Variants in MPDZ observed in about 807,000 individuals in gnomAD.
MPDZ encodes multiple PDZ domain crumbs cell polarity complex component.
A neutral mutation model predicts 239.1 loss-of-function variants in MPDZ; 234 were observed. The observed-to-expected ratio is 0.98, with a 90% CI of 0.88 to 1.09. MPDZ has a LOEUF of 1.09. MPDZ is among the 50% of genes least tolerant of loss of function. The pLI, the probability that MPDZ is intolerant of heterozygous loss-of-function variation, is 0.00. For synonymous variants in MPDZ, 1,048 were observed against 881.3 expected (o/e 1.19, Z -3.35); for missense variants, 3,175 against 2,510.0 (o/e 1.26, Z -5.66).
At chr9:13,194,246 T>C (rs1471774521) in intron 13 of MPDZ, among the ~76,000 whole-genome samples, 1 of 152,180 alleles carries the variant, frequency 6.6e-6, no homozygotes, top group Non-Finnish European at 1.5e-5. Flanking sequence ...ATTTATTGTA[T>C]ACTTCCGCAC....
rs1945187083 is a variant in MPDZ, at chr9:13,126,764, C to T, written c.4473G>A (p.Gly1491=). Residue 1491 remains glycine (G), a synonymous_variant, in exon 33 of 47, where the codon GGG becomes GGA. Transcript: ENST00000319217. ...VQHLELPKDQ[G]GLGIAISEED... ...CTTCGCTGATAGCAATACCCAAACC[C>T]CCCTGATCCTAGAAAAGTAAAAACA... 1.2e-6 allele frequency: 2 copies of T among 1,613,458 alleles called. No individual in the cohort carries two copies. Among genetic ancestry groups the T allele is most frequent in the Admixed American group, 3.3e-5 (2 of 60,004 alleles).
At chr9:13,161,823 A>G (rs892366302) in intron 23 of MPDZ, among the ~76,000 whole-genome samples, 3 of 152,164 alleles carry the variant, frequency 2.0e-5, no homozygotes, top group East Asian at 3.9e-4. Context: ...TCCTAAGAAA[A>G]AAGAAAACGT....
intron 20 of MPDZ, 39 bp from the exon 21 acceptor site, chr9:13,175,914 G>C: frequency 3.2e-6 from 5 of 1,561,502 alleles, no homozygotes; most frequent in Non-Finnish European, 4.3e-6. Flanking sequence ...CACATGGAAA[G>C]GGAAACTAGA....
rs1038734416 is a variant in MPDZ, at chr9:13,186,259, T to C, written c.2481+11A>G. The C allele has an allele frequency of 3.9e-6, 6 of 1,522,474 alleles. No individual in the cohort carries two copies. Among genetic ancestry groups the C allele is most frequent in the South Asian group, 1.3e-5 (1 of 79,164 alleles). The allele number at this position is 1,522,474 out of a possible 1,614,324, so 94.3% of individuals were successfully genotyped here. ...TTCTGAAAGAAAGCTTGATAAGTCA[T>C]AGCCACTAACCAGAGCCAAGTCAGC... On this transcript the variant is annotated intron_variant, in intron 18 of 46. Coordinates refer to ENST00000319217, the MANE Select transcript of MPDZ (RefSeq NM_001378778.1).
chr9:13,150,391 C>G (rs1262311200), intron 25 of MPDZ, 120 bp downstream of exon 25: 4 of 607,604 alleles, frequency 6.6e-6, no homozygotes, highest in Non-Finnish European at 9.7e-6. Context: ...AAGGGTGGAG[C>G]AGGTGAAAAA....
intron 23 of MPDZ, among the ~76,000 whole-genome samples, chr9:13,160,869 T>TATATATATATATATAA (rs1554669676): frequency 2.0e-4 from 26 of 127,782 alleles, no homozygotes; most frequent in Non-Finnish European, 2.6e-4. Flanking sequence ...TATATATATA[T>TATATATATATATATAA]AAAACAGGTA....
At chr9:13,269,145 G>A (rs909143471) in intron 1 of MPDZ, among the ~76,000 whole-genome samples, 27 of 152,328 alleles carry the variant, frequency 1.8e-4, no homozygotes, top group African/African-American at 6.5e-4. Context: ...GTTAGGGCCA[G>A]GAGGGGTGAA....
Position 13,137,722 on chromosome 9 carries a change from G to A in MPDZ, c.4200+235C>T, listed in dbSNP as rs1259814556. Reference sequence around the variant, plus strand: ...GTGTAAGCTTTATTACTATCTTGGGGCAAAAATTGTTTCTGGTGCTACACA... The same window carrying A: ...GTGTAAGCTTTATTACTATCTTGGGACAAAAATTGTTTCTGGTGCTACACA... On this transcript the variant is annotated intron_variant, in intron 29 of 46. Coordinates refer to ENST00000319217, the MANE Select transcript of MPDZ (RefSeq NM_001378778.1). 2.6e-5 allele frequency among the ~76,000 whole-genome samples: 4 copies of A among 152,178 alleles called. No individual in the cohort carries two copies. The East Asian group carries it at 7.7e-4, about 29-fold the overall frequency.
chr9:13,168,396 C>T lies in MPDZ; in HGVS notation c.3224G>A (p.Arg1075Lys), dbSNP rs1326663797. Residue 1075 changes from arginine to lysine, a missense_variant, in exon 22 of 47, where the codon AGA becomes AAA. Coordinates refer to ENST00000319217, the MANE Select transcript of MPDZ (RefSeq NM_001378778.1). ...VTNAQARAML[R>K]RHSLIGPDIK... The stretch of plus-strand genomic sequence containing the variant: ...GTCAGGGCCAATGAGAGAATGTCTT[C>T]TCAACATAGCTCGTGCCTGGGCATT... The T allele has an allele frequency of 6.2e-7, 1 of 1,613,338 alleles. No individual in the cohort carries two copies. The highest frequency in any genetic ancestry group is 2.2e-5 in the East Asian group (1 of 44,838).
intron 13 of MPDZ, among the ~76,000 whole-genome samples, chr9:13,195,200 A>T (rs144098259): frequency 7.4e-4 from 112 of 152,202 alleles, no homozygotes; most frequent in African/African-American, 2.5e-3. Context: ...AGGCAGGAGA[A>T]AAGTTTGAGC....
intron 10 of MPDZ, among the ~76,000 whole-genome samples, chr9:13,212,823 C>G (rs1226642650): frequency 3.4e-5 from 5 of 148,852 alleles, no homozygotes; most frequent in African/African-American, 9.9e-5. Flanking sequence ...AAGAAGAGAG[C>G]CAACATCCTC....
In MPDZ at chr9:13,236,269, T is replaced by A. The variant is rs1002829179; in HGVS notation, c.183+11366A>T. On this transcript the variant is annotated intron_variant, in intron 3 of 46. Transcript: ENST00000319217. ...TGTGTGTATATATATATATATATAT[T>A]TTTTTTTTTTTTTTTTTTTTTTTTT... Among the ~76,000 whole-genome samples, 75 of 11,834 alleles carry A rather than the reference T, an allele frequency of 6.3e-3. 1 individual carries two copies. Among genetic ancestry groups the A allele is most frequent in the East Asian group, 0.015 (2 of 134 alleles). The allele number at this position is 11,834 out of a possible 152,430, so 7.8% of individuals were successfully genotyped here. A position where few individuals can be genotyped will look rare whatever the true frequency, so the allele number is the denominator to read the frequency against.
chr9:13,238,503 G>A (rs1313628631), intron 3 of MPDZ, among the ~76,000 whole-genome samples: 3 of 152,106 alleles, frequency 2.0e-5, no homozygotes, highest in African/African-American at 7.2e-5. Context: ...CTGGCAAGGA[G>A]CTGTTCTCCT....
intron 24 of MPDZ, among the ~76,000 whole-genome samples, chr9:13,157,238 T>C (rs1949936098): frequency 6.6e-6 from 1 of 152,246 alleles, no homozygotes; most frequent in African/African-American, 2.4e-5. Flanking sequence ...TAGGTCTGTT[T>C]GGGGTGGATG....
At chr9:13,194,769 AG>A (rs936988693) in intron 13 of MPDZ, among the ~76,000 whole-genome samples, 11 of 152,222 alleles carry the variant, frequency 7.2e-5, no homozygotes, top group African/African-American at 1.9e-4. Flanking sequence ...GGCTAGTCAA[AG>A]GGTCTCCTTC....
intron 24 of MPDZ, among the ~76,000 whole-genome samples, chr9:13,157,106 C>A (rs1332550331): frequency 6.6e-6 from 1 of 152,136 alleles, no homozygotes; most frequent in Non-Finnish European, 1.5e-5. Flanking sequence ...CAGGGGACGT[C>A]ATTAAATTGC....
chr9:13,131,141 T>C (rs547106272), intron 32 of MPDZ, among the ~76,000 whole-genome samples: 2 of 152,218 alleles, frequency 1.3e-5, no homozygotes, highest in African/African-American at 4.8e-5. Context: ...GATTCATGAG[T>C]GTTAAAAGCT....
chr9:13,246,456 A>G lies in MPDZ; in HGVS notation c.183+1179T>C, dbSNP rs534947289. 1.7e-3 allele frequency among the ~76,000 whole-genome samples: 266 copies of G among 152,288 alleles called. 1 individual carries two copies. The highest frequency in any genetic ancestry group is 6.8e-3 in the Middle Eastern group (2 of 294). ...GACTCTGTCTCAAAAAAATAAAAAT[A>G]AATAAAATCAATCTTTTCAATAACT... On this transcript the variant is annotated intron_variant, in intron 3 of 46. Coordinates refer to ENST00000319217, the MANE Select transcript of MPDZ (RefSeq NM_001378778.1).
At chr9:13,212,577 A>G (rs1173261795) in intron 10 of MPDZ, among the ~76,000 whole-genome samples, 2 of 151,806 alleles carry the variant, frequency 1.3e-5, no homozygotes, top group African/African-American at 4.8e-5. Flanking sequence ...TTATCACAAG[A>G]GAGTCAAGAA....
Sources: allele counts gnomAD v4.1 joint callset (sites outside exome capture counted in the v4.1 genomes callset), GRCh38; gene constraint gnomAD v4.1.1; transcripts MANE v1.5; gene names NCBI Gene and HGNC (gene_info 2026-07-23, HGNC 2026-07-21).